BSG: variants seen among roughly 807,000 people sequenced by gnomAD.
BSG encodes basigin.
In BSG, 37 loss-of-function variants were observed where a neutral mutation model predicts 43.1. That is an observed-to-expected ratio of 0.86 (90% CI 0.66 to 1.13). BSG has a LOEUF of 1.13. BSG is among the 50% of genes most tolerant of loss of function. The pLI is 0.00. For synonymous variants in BSG, 309 were observed against 238.7 expected (o/e 1.29, Z -2.72); for missense variants, 599 against 554.2 (o/e 1.08, Z -0.81).
chr19:582,292 CG>C lies in BSG; in HGVS notation c.1070-12del. 1 of 1,604,142 alleles carries C rather than the reference CG, an allele frequency of 6.2e-7. No homozygotes were observed. Among genetic ancestry groups the C allele is most frequent in the Non-Finnish European group, 8.5e-7 (1 of 1,177,946 alleles). Reference sequence around the variant, plus strand: ...CCTCTCGTCCTCTTTTTCATGGCGGCGGTCCTTCTTCAGATGACGACGCCGG... The same window carrying C: ...CCTCTCGTCCTCTTTTTCATGGCGGCGTCCTTCTTCAGATGACGACGCCGG... On this transcript the variant is annotated splice_polypyrimidine_tract_variant and intron_variant, in intron 6 of 8. Coordinates refer to ENST00000333511, the MANE Select transcript of BSG (RefSeq NM_001728.4).
chr19:582,601 C>T lies in BSG; in HGVS notation c.*5+19C>T, dbSNP rs1555727682. 9.6e-7 allele frequency: 1 copy of T among 1,043,284 alleles called. No homozygotes were observed. Among genetic ancestry groups the T allele is most frequent in the Non-Finnish European group, 1.3e-6 (1 of 757,526 alleles). 64.6% of individuals were successfully genotyped at this position (1,043,284 alleles called of 1,614,324 possible). A position where few individuals can be genotyped will look rare whatever the true frequency, so the allele number is the denominator to read the frequency against. ...GAGGCAGGTGCGGTGGGCGGGAGCTCCTCCTGAGCCAGGTGTGGTGGGTGG... is the reference window on the plus strand; with the variant it reads ...GAGGCAGGTGCGGTGGGCGGGAGCTTCTCCTGAGCCAGGTGTGGTGGGTGG... On this transcript the variant is annotated intron_variant, in intron 8 of 8. Transcript: ENST00000333511.
intron 1 of BSG, among the ~76,000 whole-genome samples, chr19:574,510 G>A (rs112537477): frequency 8.6e-5 from 13 of 151,822 alleles, no homozygotes; most frequent in African/African-American, 2.9e-4. Flanking sequence ...CCGAGATCGC[G>A]CCATTGCACT....
chr19:580,582 G>A, intron 4 of BSG, 64 bp from the exon 5 acceptor site: 1 of 1,607,862 alleles, frequency 6.2e-7, no homozygotes. Flanking sequence ...CAGCCCTCCT[G>A]CGGGAGGCCG....
chr19:579,101 G>A (rs1398512898), intron 2 of BSG: 1 of 462,852 alleles, frequency 2.2e-6, no homozygotes, highest in Non-Finnish European at 4.3e-6. Context: ...ACAAGAGCTC[G>A]ATGCCCTGGT....
In BSG at chr19:582,488, C is replaced by A. The variant is rs1351185928; in HGVS notation, c.1095-26C>A. ...GAGAGAGTGACTTGCGGGGGACACC[C>A]TCTCACCCGGCCCCTCGTGCCCCAG... On this transcript the variant is annotated intron_variant, in intron 7 of 8. Coordinates refer to ENST00000333511, the MANE Select transcript of BSG (RefSeq NM_001728.4). 2.5e-6 allele frequency: 4 copies of A among 1,605,642 alleles called. No individual in the cohort carries two copies. In the South Asian group the frequency reaches 4.4e-5, roughly 18 times the overall value.
chr19:582,477 C>G (rs372538768), intron 7 of BSG, 37 bp from the exon 8 acceptor site: 1 of 1,602,934 alleles, frequency 6.2e-7, no homozygotes, highest in African/African-American at 1.3e-5. Flanking sequence ...GAGTGACTTG[C>G]GGGGGACACC....
At chr19:581,720 T>C in intron 6 of BSG, 129 bp downstream of exon 6, 1 of 1,273,176 alleles carries the variant, frequency 7.9e-7, no homozygotes, top group Non-Finnish European at 1.1e-6. Flanking sequence ...AGGGAGTTGA[T>C]GGGACCCCGA....
upstream of BSG, chr19:572,533 G>T: frequency 2.3e-6 from 3 of 1,300,030 alleles, no homozygotes; most frequent in Non-Finnish European, 3.0e-6. Flanking sequence ...AGATGACGCC[G>T]TGCGTGCGCG....
intron 2 of BSG, 88 bp from the exon 3 acceptor site, chr19:579,412 G>T (rs1383884344): frequency 1.9e-6 from 3 of 1,557,200 alleles, no homozygotes; most frequent in Admixed American, 3.4e-5. Context: ...GTCCTTCCCG[G>T]GGAGGAGCCG....
chr19:577,191 G>A (rs1981852780), intron 1 of BSG, among the ~76,000 whole-genome samples: 1 of 152,170 alleles, frequency 6.6e-6, no homozygotes, highest in African/African-American at 2.4e-5. Context: ...GGGGAGGCGT[G>A]TGGCTGGAGG....
At chr19:582,231 C>T in intron 6 of BSG, 75 bp from the exon 7 acceptor site, 1 of 1,580,904 alleles carries the variant, frequency 6.3e-7, no homozygotes, top group Non-Finnish European at 8.6e-7. Flanking sequence ...GATGCCCCTG[C>T]TCGGGGCCTG....
At position 581,408 on chromosome 19, in the gene BSG, C is replaced by G; in HGVS notation, c.886C>G (p.Pro296Ala). Residue 296 changes from proline (P) to alanine (A), a missense_variant, in exon 6 of 9, where the codon CCC (proline) becomes GCC (alanine). Transcript: ENST00000333511. ...TGAGAACCTGAACATGGAGGCCGAC[C>G]CCGGCCAGTACCGGTGCAACGGCAC... ...HIENLNMEAD[P>A]GQYRCNGTSS... The G allele has an allele frequency of 1.2e-6, 2 of 1,612,782 alleles. No homozygotes were observed. The highest frequency in any genetic ancestry group is 1.7e-6 in the Non-Finnish European group (2 of 1,179,936).
chr19:577,792 C>T lies in BSG; in HGVS notation c.86C>T (p.Pro29Leu), dbSNP rs761119905. 9.8e-6 allele frequency: 14 copies of T among 1,428,724 alleles called. No individual in the cohort carries two copies. The Admixed American group carries it at 1.1e-4, about 11-fold the overall frequency. 88.5% of individuals were successfully genotyped at this position (1,428,724 alleles called of 1,614,324 possible). Reference protein sequence around the residue: ...ASGAAGFVQAPLSQQRWVGGS... With the variant: ...ASGAAGFVQALLSQQRWVGGS... ...CCCACAGCCGGCTTCGTCCAGGCGC[C>T]GCTGTCCCAGCAGAGGTGGGTGGGG... Residue 29 changes from proline (P) to leucine (L), a missense_variant, in exon 2 of 9, where the codon CCG becomes CTG. Coordinates refer to ENST00000333511, the MANE Select transcript of BSG (RefSeq NM_001728.4).
At chr19:576,978 G>A (rs1431629952) in intron 1 of BSG, among the ~76,000 whole-genome samples, 2 of 147,794 alleles carry the variant, frequency 1.4e-5, no homozygotes, top group Non-Finnish European at 3.0e-5. Context: ...GTGTGTGTGT[G>A]TTGTAGCGGT....
chr19:576,689 A>G (rs1981798587), intron 1 of BSG, among the ~76,000 whole-genome samples: 2 of 151,140 alleles, frequency 1.3e-5, no homozygotes, highest in Admixed American at 6.6e-5. Context: ...TGAACCCGGG[A>G]GGCAGAGGTT....
intron 1 of BSG, among the ~76,000 whole-genome samples, chr19:575,675 C>T (rs889070768): frequency 2.0e-5 from 3 of 150,678 alleles, no homozygotes; most frequent in African/African-American, 7.4e-5. Flanking sequence ...AAGTACCACG[C>T]GGCCTGCCTG....
chr19:572,715 A>AG lies in BSG; in HGVS notation c.67+19dup. 1 of 1,466,590 alleles carries AG rather than the reference A, an allele frequency of 6.8e-7. No individual in the cohort carries two copies. Among genetic ancestry groups the AG allele is most frequent in the Non-Finnish European group, 9.1e-7 (1 of 1,101,644 alleles). The allele number at this position is 1,466,590 out of a possible 1,614,324, so 90.8% of individuals were successfully genotyped here. A position where few individuals can be genotyped will look rare whatever the true frequency, so the allele number is the denominator to read the frequency against. On this transcript the variant is annotated intron_variant, in intron 1 of 8. Transcript: ENST00000333511. ...CCTCCGGGGCTGGTGAGGAGCGGGTAGGGGGCGGGGGTGCGGTCCTGCAGG... is the reference window on the plus strand; with the variant it reads ...CCTCCGGGGCTGGTGAGGAGCGGGTAGGGGGGCGGGGGTGCGGTCCTGCAGG...
intron 2 of BSG, 55 bp downstream of exon 2, chr19:578,176 C>T (rs1981953023): frequency 7.0e-6 from 10 of 1,438,664 alleles, no homozygotes; most frequent in South Asian, 2.8e-5. Flanking sequence ...CTGTGCCGCT[C>T]GCCTCCCGGC....
Position 582,314 on chromosome 19 carries a change from G to T in BSG, c.1078G>T (p.Ala360Ser). Residue 360 changes from alanine to serine, a missense_variant, in exon 7 of 9, where the codon GCC becomes TCC. Physicochemically the swap from Ala to Ser is moderately conservative, Grantham distance 99. Coordinates refer to ENST00000333511, the MANE Select transcript of BSG (RefSeq NM_001728.4). Reference sequence around the variant, plus strand: ...CGGCGGTCCTTCTTCAGATGACGACGCCGGCTCTGCACCCCTGTAAGTTCC... The same window carrying T: ...CGGCGGTCCTTCTTCAGATGACGACTCCGGCTCTGCACCCCTGTAAGTTCC... ...KPEDVLDDDDAGSAPLKSSGQ... is the reference protein window; with the variant it reads ...KPEDVLDDDDSGSAPLKSSGQ... The T allele has an allele frequency of 6.2e-7, 1 of 1,602,312 alleles. No homozygotes were observed. The highest frequency in any genetic ancestry group is 8.5e-7 in the Non-Finnish European group (1 of 1,177,426).
Sources: allele counts gnomAD v4.1 joint callset (sites outside exome capture counted in the v4.1 genomes callset), GRCh38; gene constraint gnomAD v4.1.1; transcripts MANE v1.5; gene names NCBI Gene and HGNC (gene_info 2026-07-23, HGNC 2026-07-21).